Variants in FBXO3 observed in about 807,000 individuals in gnomAD.
FBXO3 encodes F-box only protein 3.
In FBXO3, 17 loss-of-function variants were observed where a neutral mutation model predicts 64.8. The ratio of observed to expected loss-of-function variants is 0.26; its 90% confidence interval spans 0.18 to 0.39. FBXO3 has a LOEUF of 0.39. Ranked by LOEUF, FBXO3 falls within the 10% of genes least tolerant of loss-of-function variation. The pLI is 1.00. For synonymous variants in FBXO3, 182 were observed against 201.6 expected (o/e 0.90, Z 0.82); for missense variants, 420 against 589.9 (o/e 0.71, Z 2.98).
At chr11:33,759,429 G>T (rs1393885792) in intron 3 of FBXO3, among the ~76,000 whole-genome samples, 1 of 152,196 alleles carries the variant, frequency 6.6e-6, no homozygotes, top group African/African-American at 2.4e-5. Context: ...GTCCACAAAG[G>T]AGAGAGGGAC....
chr11:33,742,078 C>G lies in FBXO3; in HGVS notation c.1246G>C (p.Gly416Arg). Residue 416 changes from glycine to arginine, a missense_variant, in exon 11 of 11, where the codon GGT becomes CGT. Transcript: ENST00000265651. ...TCCATCTCTTCATATTCATCAGGAC[C>G]CATTTCCTTGAAAGAGAAAACAATC... ...FRVSIARLEM[G>R]PDEYEEMEEE... 1.3e-6 allele frequency: 2 copies of G among 1,576,566 alleles called. No homozygotes were observed. Among genetic ancestry groups the G allele is most frequent in the Non-Finnish European group, 1.7e-6 (2 of 1,163,538 alleles).
chr11:33,751,699 A>C (rs1854964219), intron 6 of FBXO3, 92 bp from the exon 7 acceptor site: 3 of 647,936 alleles, frequency 4.6e-6, no homozygotes. Context: ...ATGCTTTAGA[A>C]TGTGATACCA....
At chr11:33,759,240 G>T (rs1435576013) in intron 3 of FBXO3, among the ~76,000 whole-genome samples, 1 of 152,226 alleles carries the variant, frequency 6.6e-6, no homozygotes, top group African/African-American at 2.4e-5. Context: ...CAACGGTAGG[G>T]GAGAGGGGTC....
At chr11:33,751,489 T>C (rs1203561755) in intron 7 of FBXO3, 34 bp downstream of exon 7, 1 of 1,353,744 alleles carries the variant, frequency 7.4e-7, no homozygotes, top group Non-Finnish European at 1.0e-6. Flanking sequence ...TGATTTACAA[T>C]CATTTCAATC....
At chr11:33,753,863 C>T (rs1855024954) in intron 6 of FBXO3, 1 of 152,198 alleles carries the variant, frequency 6.6e-6, no homozygotes, top group Admixed American at 6.5e-5. Flanking sequence ...TGATCAAAAT[C>T]CAAACAAGCC....
At chr11:33,744,008 G>A (rs908818544) in intron 10 of FBXO3, 6 of 152,092 alleles carry the variant, frequency 3.9e-5, no homozygotes, top group African/African-American at 1.4e-4. Context: ...AATTAATGTA[G>A]GAGAAAGGAA....
chr11:33,758,611 C>A lies in FBXO3; in HGVS notation c.359-10G>T. On this transcript the variant is annotated splice_polypyrimidine_tract_variant and intron_variant, in intron 3 of 10. Transcript: ENST00000265651. Reference sequence around the variant, plus strand: ...TCCTCTCGAGCACCCTCTATAAAGGCACAAAAAAGAGTGAATTGTGAAGAA... The same window carrying A: ...TCCTCTCGAGCACCCTCTATAAAGGAACAAAAAAGAGTGAATTGTGAAGAA... 1 of 1,563,084 alleles carries A rather than the reference C, an allele frequency of 6.4e-7. No homozygotes were observed. Among genetic ancestry groups the A allele is most frequent in the Non-Finnish European group, 8.7e-7 (1 of 1,147,300 alleles).
Position 33,743,034 on chromosome 11 carries a change from C to CT in FBXO3, c.1240-951dup, listed in dbSNP as rs1854725622. 1 of 152,294 alleles carries CT rather than the reference C, an allele frequency of 6.6e-6. No homozygotes were observed. The highest frequency in any genetic ancestry group is 6.5e-5 in the Admixed American group (1 of 15,274). 9.4% of individuals were successfully genotyped at this position (152,294 alleles called of 1,614,324 possible). ...AGCTGGGGCTCCTGGGTGCCTCCCTCTATCTCTGTGTGATGTCTCTACATG... is the reference window on the plus strand; with the variant it reads ...AGCTGGGGCTCCTGGGTGCCTCCCTCTTATCTCTGTGTGATGTCTCTACATG... On this transcript the variant is annotated intron_variant, in intron 10 of 10. Coordinates refer to ENST00000265651, the MANE Select transcript of FBXO3 (RefSeq NM_012175.4). The surrounding 1 kb of genome is among the most constrained non-coding windows in gnomAD (Gnocchi z 4.6).
chr11:33,772,464 T>G (rs1434624785), intron 1 of FBXO3: 1 of 152,240 alleles, frequency 6.6e-6, no homozygotes, highest in Non-Finnish European at 1.5e-5. Flanking sequence ...ATCTCATCAC[T>G]GTCTGTGAGT....
At chr11:33,751,697 G>C (rs922605233) in intron 6 of FBXO3, 90 bp from the exon 7 acceptor site, 5 of 663,110 alleles carry the variant, frequency 7.5e-6, no homozygotes, top group Admixed American at 6.5e-5. Flanking sequence ...CTATGCTTTA[G>C]AATGTGATAC....
At chr11:33,763,207 T>C (rs1261336077) in intron 3 of FBXO3, 6 of 426,158 alleles carry the variant, frequency 1.4e-5, no homozygotes, top group Non-Finnish European at 1.9e-5. Context: ...CAAGCTTACA[T>C]AAACTCTTCC....
Position 33,774,379 on chromosome 11 carries a change from G to T in FBXO3, c.104+15C>A. 1.9e-6 allele frequency: 3 copies of T among 1,583,412 alleles called. No homozygotes were observed. Among genetic ancestry groups the T allele is most frequent in the Non-Finnish European group, 1.7e-6 (2 of 1,162,132 alleles). On this transcript the variant is annotated intron_variant, in intron 1 of 10. Coordinates refer to ENST00000265651, the MANE Select transcript of FBXO3 (RefSeq NM_012175.4). ...CCCCATGCCCCCACCCCTGCCATGCGTGTCGTCCCATTACTTGATTAGATC... is the reference window on the plus strand; with the variant it reads ...CCCCATGCCCCCACCCCTGCCATGCTTGTCGTCCCATTACTTGATTAGATC...
chr11:33,760,769 A>AT (rs907068442), intron 3 of FBXO3, among the ~76,000 whole-genome samples: 31 of 152,240 alleles, frequency 2.0e-4, no homozygotes, highest in African/African-American at 6.8e-4. Context: ...AAATAAATAC[A>AT]TTTTTAGATA....
At chr11:33,774,140 C>T (rs1855580086) in intron 1 of FBXO3, 2 of 424,208 alleles carry the variant, frequency 4.7e-6, no homozygotes, top group Non-Finnish European at 8.5e-6. Flanking sequence ...GTGGGCCTCA[C>T]CGAGGCCTGG....
At chr11:33,747,453 AGAAAATG>A in intron 9 of FBXO3, 133 bp from the exon 10 acceptor site, 1 of 700,382 alleles carries the variant, frequency 1.4e-6, no homozygotes, top group Non-Finnish European at 2.4e-6. Context: ...AAATTCCAAA[AGAAAATG>A]TAACAAAATG....
At chr11:33,758,054 A>T (rs945083897) in intron 4 of FBXO3, among the ~76,000 whole-genome samples, 1 of 152,164 alleles carries the variant, frequency 6.6e-6, no homozygotes. Flanking sequence ...ATGACAAAAC[A>T]ATTTTATTTA....
intron 3 of FBXO3, among the ~76,000 whole-genome samples, chr11:33,766,835 C>T (rs1855381988): frequency 6.6e-6 from 1 of 152,018 alleles, no homozygotes; most frequent in Non-Finnish European, 1.5e-5. Flanking sequence ...GCACTGCAGA[C>T]ATCAAAGAGC....
chr11:33,746,680 T>C lies in FBXO3; in HGVS notation c.1239+450A>G, dbSNP rs567244282. On this transcript the variant is annotated intron_variant, in intron 10 of 10. Transcript: ENST00000265651. ...CCTAAAAACGAGATTTTAAAAAATA[T>C]ACCTAGTTGACTTAAGAAATGATCC... 33 of 1,226,420 alleles carry C rather than the reference T, an allele frequency of 2.7e-5. No individual in the cohort carries two copies. The South Asian group carries it at 3.3e-4, about 12-fold the overall frequency. 76.0% of individuals were successfully genotyped at this position (1,226,420 alleles called of 1,614,324 possible).
Position 33,755,979 on chromosome 11 carries a change from AGGAGC to A in FBXO3, c.474-9_474-5del. ...CAGTGCCATGCTTCCCAATAACCTG[AGGAGC>A]ATACAGACTCAAACATGTAATACAC... On this transcript the variant is annotated splice_region_variant and splice_polypyrimidine_tract_variant and intron_variant, in intron 4 of 10. Transcript: ENST00000265651. The A allele has an allele frequency of 6.2e-7, 1 of 1,612,516 alleles. No individual in the cohort carries two copies. Among genetic ancestry groups the A allele is most frequent in the Non-Finnish European group, 8.5e-7 (1 of 1,178,750 alleles).
Sources: gnomAD v4.1 joint callset for allele counts (sites outside exome capture counted in the v4.1 genomes callset) on GRCh38, gnomAD v4.1.1 for gene constraint, Gnocchi (gnomAD v3.1) non-coding constraint, MANE v1.5 for transcripts, NCBI Gene and HGNC (gene_info 2026-07-23, HGNC 2026-07-21) for gene names.